GNAI1: variants seen among roughly 807,000 people sequenced by gnomAD.
The protein encoded by GNAI1 is G protein subunit alpha i1.
GNAI1 carries 11 observed loss-of-function variants against 38.9 expected under a neutral mutation model. The observed-to-expected ratio is 0.28, with a 90% CI of 0.18 to 0.47. The LOEUF is 0.47. Among genes scored for constraint, GNAI1 ranks in the 20% least tolerant of loss-of-function variants. The probability of loss-of-function intolerance (pLI) is 0.99; values close to 1 mark genes in which losing one functional copy is unlikely to be tolerated. For missense variants in GNAI1, 317 were observed against 436.9 expected (o/e 0.73, Z 2.45); for synonymous variants, 166 against 145.1 (o/e 1.14, Z -1.04).
chr7:80,153,334 C>T (rs1787761320), intron 1 of GNAI1, among the ~76,000 whole-genome samples: 1 of 152,054 alleles, frequency 6.6e-6, no homozygotes, highest in South Asian at 2.1e-4. Context: ...CAATGTGCAT[C>T]TTAAAAATTA....
At chr7:80,164,839 A>G (rs1021066014) in intron 1 of GNAI1, among the ~76,000 whole-genome samples, 3 of 151,486 alleles carry the variant, frequency 2.0e-5, no homozygotes, top group Non-Finnish European at 4.4e-5. Flanking sequence ...TGATGATTTA[A>G]TAATAGCTGA....
intron 1 of GNAI1, among the ~76,000 whole-genome samples, chr7:80,162,575 T>G (rs995905810): frequency 6.6e-6 from 1 of 152,226 alleles, no homozygotes; most frequent in African/African-American, 2.4e-5. Flanking sequence ...TGAATTCTTT[T>G]CAGCTTTATA....
chr7:80,212,834 A>G lies in GNAI1; in HGVS notation c.839A>G (p.Lys280Arg), dbSNP rs1788897660. 6.3e-7 allele frequency: 1 copy of G among 1,584,656 alleles called. No homozygotes were observed. Among genetic ancestry groups the G allele is most frequent in the East Asian group, 2.3e-5 (1 of 43,832 alleles). The change falls in exon 7 of 8, where the codon AAG becomes AGG. Residue 280 changes from lysine (K) to arginine (R), a missense_variant. Transcript: ENST00000649796. ...KKDLFEEKIK[K>R]SPLTICYPEY... ...GATCTCTTTGAAGAAAAAATCAAAA[A>G]GAGCCCTCTCACTATATGCTATCCA...
chr7:80,138,069 A>T (rs1787456126), intron 1 of GNAI1, among the ~76,000 whole-genome samples: 1 of 152,206 alleles, frequency 6.6e-6, no homozygotes, highest in Non-Finnish European at 1.5e-5. Flanking sequence ...GGTAACGTAT[A>T]ACCAGTGTCA....
At chr7:80,179,370 C>T (rs1788251691) in intron 1 of GNAI1, among the ~76,000 whole-genome samples, 1 of 152,154 alleles carries the variant, frequency 6.6e-6, no homozygotes, top group African/African-American at 2.4e-5. Context: ...CTGAGATGTC[C>T]ATTTCTAACC....
intron 1 of GNAI1, among the ~76,000 whole-genome samples, chr7:80,183,618 C>G (rs1224647438): frequency 2.6e-5 from 4 of 151,102 alleles, no homozygotes; most frequent in Non-Finnish European, 4.4e-5. Flanking sequence ...AAAAGTTGAC[C>G]AAAGGATTTT....
intron 4 of GNAI1, among the ~76,000 whole-genome samples, chr7:80,201,727 G>GA (rs1049289656): frequency 6.6e-5 from 10 of 150,752 alleles, no homozygotes; most frequent in Non-Finnish European, 1.0e-4. Flanking sequence ...ATGTCTCAAA[G>GA]AAAAAAAAAT....
intron 1 of GNAI1, among the ~76,000 whole-genome samples, chr7:80,155,927 C>T (rs1003952369): frequency 6.6e-6 from 1 of 151,132 alleles, no homozygotes; most frequent in Non-Finnish European, 1.5e-5. Context: ...TGGCGTATGC[C>T]TGTAGTCCCA....
At chr7:80,197,937 T>C (rs974461291) in intron 3 of GNAI1, among the ~76,000 whole-genome samples, 1 of 152,118 alleles carries the variant, frequency 6.6e-6, no homozygotes, top group Non-Finnish European at 1.5e-5. Context: ...TTTATAAGCA[T>C]CTGCTACAAT....
At chr7:80,209,405 C>T (rs1411896669) in intron 5 of GNAI1, among the ~76,000 whole-genome samples, 2 of 152,146 alleles carry the variant, frequency 1.3e-5, no homozygotes, top group Non-Finnish European at 2.9e-5. Flanking sequence ...TGGGAAACCT[C>T]AGTTTTTGCC....
At chr7:80,188,526 T>A (rs922894519) in intron 1 of GNAI1, among the ~76,000 whole-genome samples, 3 of 152,190 alleles carry the variant, frequency 2.0e-5, no homozygotes, top group African/African-American at 7.2e-5. Flanking sequence ...CCGATGAAGC[T>A]CATTTTATTT....
chr7:80,158,946 T>C (rs1324977595), intron 1 of GNAI1, among the ~76,000 whole-genome samples: 1 of 152,164 alleles, frequency 6.6e-6, no homozygotes, highest in Non-Finnish European at 1.5e-5. Flanking sequence ...AGTGGCGATG[T>C]CTTCTAAAGC....
intron 1 of GNAI1, among the ~76,000 whole-genome samples, chr7:80,177,894 A>G (rs1788218723): frequency 6.6e-6 from 1 of 152,236 alleles, no homozygotes; most frequent in Non-Finnish European, 1.5e-5. Context: ...AGCTGCCATT[A>G]GATAGTGATT....
intron 7 of GNAI1, among the ~76,000 whole-genome samples, chr7:80,215,734 T>G (rs2115721867): frequency 6.6e-6 from 1 of 151,290 alleles, no homozygotes; most frequent in Middle Eastern, 3.4e-3. Context: ...TAACAAAAAC[T>G]GAAATAGTTA....
chr7:80,172,613 TTC>T (rs1465544817), intron 1 of GNAI1, among the ~76,000 whole-genome samples: 3 of 152,244 alleles, frequency 2.0e-5, no homozygotes, highest in Non-Finnish European at 4.4e-5. Flanking sequence ...CATTTCCAGT[TTC>T]TGTTTCTTTC....
chr7:80,194,263 A>G (rs1788530598), intron 3 of GNAI1, among the ~76,000 whole-genome samples: 1 of 151,934 alleles, frequency 6.6e-6, no homozygotes, highest in African/African-American at 2.4e-5. Flanking sequence ...TTCCCTGTCT[A>G]TTGATTATAT....
intron 5 of GNAI1, among the ~76,000 whole-genome samples, chr7:80,208,650 C>T (rs149466496): frequency 3.3e-5 from 5 of 152,312 alleles, no homozygotes; most frequent in African/African-American, 9.6e-5. Context: ...CATTCTCCAC[C>T]TGTCATCACA....
chr7:80,203,686 T>G lies in GNAI1; in HGVS notation c.462-18T>G, dbSNP rs544039616. On this transcript the variant is annotated intron_variant, in intron 4 of 7. Coordinates refer to ENST00000649796, the MANE Select transcript of GNAI1 (RefSeq NM_002069.6). ...CTATATTTACCATTAACATGTTGTT[T>G]TGTTTAATTTTTTTCAGCTATTTGA... 6.6e-7 allele frequency: 1 copy of G among 1,526,372 alleles called. No homozygotes were observed. The highest frequency in any genetic ancestry group is 2.3e-5 in the East Asian group (1 of 43,514). 94.6% of individuals were successfully genotyped at this position (1,526,372 alleles called of 1,614,324 possible). A position where few individuals can be genotyped will look rare whatever the true frequency, so the allele number is the denominator to read the frequency against.
intron 1 of GNAI1, among the ~76,000 whole-genome samples, chr7:80,184,390 G>A (rs1788354249): frequency 6.6e-6 from 1 of 152,072 alleles, no homozygotes; most frequent in African/African-American, 2.4e-5. Context: ...TTCTTCCCTT[G>A]GGGTGGGCTG....
Sources: gnomAD v4.1 joint callset for allele counts (sites outside exome capture counted in the v4.1 genomes callset) on GRCh38, gnomAD v4.1.1 for gene constraint, MANE v1.5 for transcripts, NCBI Gene and HGNC (gene_info 2026-07-23, HGNC 2026-07-21) for gene names.